Variants in RUNX1 observed in about 807,000 individuals in gnomAD.
The protein encoded by RUNX1 is RUNX family transcription factor 1, also known as runt-related transcription factor 1.
In RUNX1, 19 loss-of-function variants were observed where a neutral mutation model predicts 42.8. That is an observed-to-expected ratio of 0.44 (90% CI 0.31 to 0.65). RUNX1 has a LOEUF of 0.65. Ranked by LOEUF, RUNX1 falls within the 30% of genes least tolerant of loss-of-function variation. The probability of loss-of-function intolerance (pLI) is 0.07; values close to 1 mark genes in which losing one functional copy is unlikely to be tolerated. For synonymous variants in RUNX1, 271 were observed against 289.4 expected (o/e 0.94, Z 0.64); for missense variants, 528 against 672.0 (o/e 0.79, Z 2.37).
chr21:34,939,845 T>G (rs973615820), intron 2 of RUNX1, among the ~76,000 whole-genome samples: 3 of 152,014 alleles, frequency 2.0e-5, no homozygotes, highest in African/African-American at 7.2e-5. Context: ...TGTTTCCAGG[T>G]TTTTTTATTT....
At chr21:34,946,862 T>C (rs1009046940) in intron 2 of RUNX1, among the ~76,000 whole-genome samples, 7 of 152,354 alleles carry the variant, frequency 4.6e-5, no homozygotes, top group Admixed American at 2.0e-4. Flanking sequence ...AGGCATCACA[T>C]GTCGCTGAGC....
chr21:34,997,179 C>A (rs1341131514), intron 2 of RUNX1, among the ~76,000 whole-genome samples: 2 of 152,316 alleles, frequency 1.3e-5, no homozygotes, highest in East Asian at 3.9e-4. Context: ...TGAATGAAAT[C>A]TTTAAATGAA....
chr21:35,031,114 C>T (rs1301574615), intron 2 of RUNX1, among the ~76,000 whole-genome samples: 1 of 152,108 alleles, frequency 6.6e-6, no homozygotes. Flanking sequence ...TTTGGGTGGC[C>T]ATGGCAGGCA....
Position 34,831,110 on chromosome 21 carries a change from T to G in RUNX1, c.805+3300A>C, listed in dbSNP as rs192310881. On this transcript the variant is annotated intron_variant, in intron 7 of 8. Transcript: ENST00000675419. Reference sequence around the variant, plus strand: ...CTAGAATCTGCCCTGTTCTATCTTTTGAAATAAATTAAAAAAGAATTCTAA... The same window carrying G: ...CTAGAATCTGCCCTGTTCTATCTTTGGAAATAAATTAAAAAAGAATTCTAA... 4.5e-4 allele frequency among the ~76,000 whole-genome samples: 68 copies of G among 152,284 alleles called. 1 individual carries two copies. Among genetic ancestry groups the G allele is most frequent in the African/African-American group, 1.6e-3 (67 of 41,572 alleles).
intron 6 of RUNX1, among the ~76,000 whole-genome samples, chr21:34,849,480 A>ATT (rs1364546719): frequency 9.5e-6 from 1 of 105,776 alleles, no homozygotes; most frequent in African/African-American, 3.7e-5. Flanking sequence ...TATAATATAT[A>ATT]TTATATATAT....
chr21:34,924,899 T>C (rs914964740), intron 2 of RUNX1, among the ~76,000 whole-genome samples: 5 of 152,206 alleles, frequency 3.3e-5, no homozygotes, highest in Non-Finnish European at 5.9e-5. Context: ...TCACATTGTA[T>C]GTGTGAGAGA....
chr21:34,961,736 CA>C (rs1476421165), intron 2 of RUNX1, among the ~76,000 whole-genome samples: 1 of 152,106 alleles, frequency 6.6e-6, no homozygotes, highest in Non-Finnish European at 1.5e-5. Context: ...TATTCTTTGC[CA>C]AATAAATTTT....
At chr21:34,922,208 G>A (rs114136687) in intron 2 of RUNX1, among the ~76,000 whole-genome samples, 3,692 of 152,228 alleles carry the variant, frequency 0.024, 112 homozygotes, top group African/African-American at 0.078. Context: ...CCACAAGCAA[G>A]GTGTGTGCCG....
chr21:34,888,934 C>G (rs984528004), intron 3 of RUNX1, among the ~76,000 whole-genome samples: 2 of 151,630 alleles, frequency 1.3e-5, no homozygotes, highest in South Asian at 4.1e-4. Flanking sequence ...CGCATCCAAG[C>G]CTGCATGCTG....
At position 35,040,770 on chromosome 21, in the gene RUNX1, C is replaced by CAAAA. The variant is rs1568808489; in HGVS notation, c.58+8071_58+8072insTTTT. 5.1e-4 allele frequency among the ~76,000 whole-genome samples: 26 copies of CAAAA among 50,854 alleles called. 3 individuals carry two copies. The highest frequency in any genetic ancestry group is 6.7e-4 in the Non-Finnish European group (14 of 20,914). 33.4% of individuals were successfully genotyped at this position (50,854 alleles called of 152,430 possible). A position where few individuals can be genotyped will look rare whatever the true frequency, so the allele number is the denominator to read the frequency against. On this transcript the variant is annotated intron_variant, in intron 2 of 8. Transcript: ENST00000675419. ...TGGTGACAGAGCTAGTAGACTCCAT[C>CAAAA]CAAAAAAAAAAAAAAAAAAAAAAAC...
intron 2 of RUNX1, among the ~76,000 whole-genome samples, chr21:35,044,124 G>A (rs1244864832): frequency 1.3e-5 from 2 of 152,238 alleles, no homozygotes; most frequent in Non-Finnish European, 2.9e-5. Flanking sequence ...AGGGAAGGAA[G>A]GCTGACCTGC....
At chr21:34,933,593 T>C (rs1205042246) in intron 2 of RUNX1, among the ~76,000 whole-genome samples, 2 of 152,206 alleles carry the variant, frequency 1.3e-5, no homozygotes, top group Non-Finnish European at 2.9e-5. Flanking sequence ...GTGTTCGACG[T>C]ATAGTAGCTG....
chr21:34,910,444 T>A (rs2058263340), intron 2 of RUNX1, among the ~76,000 whole-genome samples: 1 of 151,980 alleles, frequency 6.6e-6, no homozygotes, highest in African/African-American at 2.4e-5. Flanking sequence ...ACAAATGAAC[T>A]GTCTTTCTGA....
Position 34,859,348 on chromosome 21 carries a change from C to T in RUNX1, c.613+126G>A, listed in dbSNP as rs149582787. On this transcript the variant is annotated intron_variant, in intron 6 of 8. Transcript: ENST00000675419. ...TTGACAATGCAACTTTTTGGCTTTACGGGGGCCTGACATCCCCCTGGGGGA... is the reference window on the plus strand; with the variant it reads ...TTGACAATGCAACTTTTTGGCTTTATGGGGGCCTGACATCCCCCTGGGGGA... 642 of 802,968 alleles carry T rather than the reference C, an allele frequency of 8.0e-4. No individual in the cohort carries two copies. In the African/African-American group the frequency reaches 8.1e-3, roughly 10 times the overall value. The allele number at this position is 802,968 out of a possible 1,614,324, so 49.7% of individuals were successfully genotyped here. A position where few individuals can be genotyped will look rare whatever the true frequency, so the allele number is the denominator to read the frequency against.
At chr21:34,806,486 C>G (rs1385181128) in intron 7 of RUNX1, among the ~76,000 whole-genome samples, 4 of 152,102 alleles carry the variant, frequency 2.6e-5, no homozygotes, top group Non-Finnish European at 5.9e-5. Context: ...AAACATGAGG[C>G]AAAAACTGAT....
chr21:35,014,773 C>T (rs1278824815), intron 2 of RUNX1, among the ~76,000 whole-genome samples: 6 of 152,240 alleles, frequency 3.9e-5, no homozygotes, highest in African/African-American at 7.2e-5. Flanking sequence ...CCCTCTCTGC[C>T]GAGGCAGCCG....
At chr21:34,993,644 GGC>G (rs2058966803) in intron 2 of RUNX1, among the ~76,000 whole-genome samples, 1 of 34,102 alleles carries the variant, frequency 2.9e-5, no homozygotes, top group South Asian at 6.9e-4. Context: ...GACACACACA[GGC>G]ACACACACAC....
intron 5 of RUNX1, among the ~76,000 whole-genome samples, chr21:34,867,039 T>C (rs1423139335): frequency 6.6e-6 from 1 of 152,150 alleles, no homozygotes; most frequent in Non-Finnish European, 1.5e-5. Flanking sequence ...AAATGAGTTG[T>C]TTGAGGACAG....
At chr21:34,949,405 T>A (rs2058589916) in intron 2 of RUNX1, among the ~76,000 whole-genome samples, 2 of 152,342 alleles carry the variant, frequency 1.3e-5, no homozygotes, top group East Asian at 1.9e-4. Context: ...GGAAAGTGAA[T>A]TGTGTTTGTC....
Sources: allele counts gnomAD v4.1 joint callset (sites outside exome capture counted in the v4.1 genomes callset), GRCh38; gene constraint gnomAD v4.1.1; transcripts MANE v1.5; gene names NCBI Gene and HGNC (gene_info 2026-07-23, HGNC 2026-07-21).